MAPK6: variants seen among roughly 807,000 people sequenced by gnomAD.
MAPK6 encodes ERK-3.
MAPK6 carries 19 observed loss-of-function variants against 59.3 expected under a neutral mutation model. The ratio of observed to expected loss-of-function variants is 0.32; its 90% CI spans 0.22 to 0.47. The LOEUF (loss-of-function observed/expected upper bound fraction) is 0.47, where lower values mean the gene tolerates loss of function less well. Among genes scored for constraint, MAPK6 ranks in the 20% least tolerant of loss-of-function variants. MAPK6 has a pLI of 1.00. For missense variants in MAPK6, 724 were observed against 847.9 expected (o/e 0.85, Z 1.81); for synonymous variants, 316 against 290.3 (o/e 1.09, Z -0.90).
rs1337646204 is a variant in MAPK6 at position 52,060,527 on chromosome 15, TTG to T, written c.866-767_866-766del. ...ATATTGCAGCTAGTTTTCATCAGTT[TTG>T]TGTGGCCAGGGAGCAGAGAGAGTAG... On this transcript the variant is annotated intron_variant, in intron 4 of 5. Coordinates refer to ENST00000261845, the MANE Select transcript of MAPK6 (RefSeq NM_002748.4). 6.6e-5 allele frequency among the ~76,000 whole-genome samples: 10 copies of T among 152,250 alleles called. No individual in the cohort carries two copies. In the East Asian group the frequency reaches 1.5e-3, roughly 24 times the overall value.
In MAPK6 at chr15:52,051,323, C is replaced by T. The variant is rs185222972; in HGVS notation, c.700+1186C>T. Among the ~76,000 whole-genome samples, 12 of 152,122 alleles carry T rather than the reference C, an allele frequency of 7.9e-5. No homozygotes were observed. In the East Asian group the frequency reaches 2.3e-3, roughly 30 times the overall value. On this transcript the variant is annotated intron_variant, in intron 3 of 5. Transcript: ENST00000261845. ...CCACCCGCCTCGGCCTCCCAAAGTA[C>T]TGGGATTACAGGCGTGAGCCACCCC...
intron 1 of MAPK6, among the ~76,000 whole-genome samples, chr15:52,044,925 C>CTT (rs2031551470): frequency 7.1e-6 from 1 of 140,192 alleles, no homozygotes; most frequent in African/African-American, 2.7e-5. Context: ...ATTTTTTTTT[C>CTT]CTTTTTTTTT....
chr15:52,036,994 A>G (rs998520211), intron 1 of MAPK6, among the ~76,000 whole-genome samples: 1 of 152,146 alleles, frequency 6.6e-6, no homozygotes, highest in African/African-American at 2.4e-5. Context: ...GCCATTCTGA[A>G]TTGTTTTTAA....
In MAPK6 at chr15:52,063,250, T is replaced by C. The variant is rs117919856; in HGVS notation, c.1068-652T>C. On this transcript the variant is annotated intron_variant, in intron 5 of 5. Coordinates refer to ENST00000261845, the MANE Select transcript of MAPK6 (RefSeq NM_002748.4). ...CAGCTAATTTTTGTATTTTTAGTAG[T>C]GGGGGTTTCACCATGTTGGCCAGGC... Among the ~76,000 whole-genome samples, 696 of 152,086 alleles carry C rather than the reference T, an allele frequency of 4.6e-3. 36 individuals are homozygous for C. In the East Asian group the frequency reaches 0.12, roughly 27 times the overall value.
At chr15:52,055,556 C>T (rs889160001) in intron 3 of MAPK6, among the ~76,000 whole-genome samples, 2 of 152,156 alleles carry the variant, frequency 1.3e-5, no homozygotes, top group Non-Finnish European at 2.9e-5. Flanking sequence ...CGCTCTGTCG[C>T]CTAGGCTGGA....
rs775663369 is a variant in MAPK6 at position 52,065,255 on chromosome 15, C to T, written c.*255C>T. ...AACGCAGGAGGAGAAAAGAAATGCA[C>T]TAAGACAAGAACATTCTCTCATAGA... is the stretch of plus-strand genomic sequence containing the variant. On this transcript the variant is annotated 3_prime_UTR_variant, in exon 6 of 6. Transcript: ENST00000261845. The T allele has an allele frequency of 8.5e-6, 3 of 351,518 alleles. No homozygotes were observed. The highest frequency in any genetic ancestry group is 8.7e-5 in the Admixed American group (2 of 22,936). 21.8% of individuals were successfully genotyped at this position (351,518 alleles called of 1,614,324 possible).
intron 1 of MAPK6, among the ~76,000 whole-genome samples, chr15:52,038,371 G>A (rs1566907093): frequency 6.6e-6 from 1 of 152,204 alleles, no homozygotes; most frequent in Admixed American, 6.5e-5. Flanking sequence ...TTGGGTATAC[G>A]TATGACCATG....
intron 2 of MAPK6, among the ~76,000 whole-genome samples, chr15:52,048,968 T>C (rs563878197): frequency 3.9e-5 from 6 of 152,200 alleles, no homozygotes; most frequent in South Asian, 4.1e-4. Flanking sequence ...ATAAGACTTA[T>C]ACTATATAAA....
intron 3 of MAPK6, among the ~76,000 whole-genome samples, chr15:52,006,371 C>T (rs959476223): frequency 6.6e-6 from 1 of 152,052 alleles, no homozygotes; most frequent in East Asian, 1.9e-4. Flanking sequence ...CTAAAATGAC[C>T]AAATAGATTT....
chr15:52,062,093 A>C (rs543515502), intron 5 of MAPK6, among the ~76,000 whole-genome samples: 3 of 142,934 alleles, frequency 2.1e-5, no homozygotes, highest in Non-Finnish European at 4.5e-5. Context: ...TTTGAGATGG[A>C]ATCTCACTCT....
intron 3 of MAPK6, among the ~76,000 whole-genome samples, chr15:52,005,119 AAAG>A (rs1313588713): frequency 6.6e-6 from 1 of 152,250 alleles, no homozygotes; most frequent in African/African-American, 2.4e-5. Flanking sequence ...CTGAGGAAAC[AAAG>A]AAGAACAAAC....
At chr15:52,008,072 C>T (rs2029950853) in intron 3 of MAPK6, among the ~76,000 whole-genome samples, 1 of 152,102 alleles carries the variant, frequency 6.6e-6, no homozygotes, top group Admixed American at 6.5e-5. Context: ...GTCTCAAACT[C>T]CTGACCTCAG....
At chr15:52,008,742 G>A (rs905423314) in intron 3 of MAPK6, among the ~76,000 whole-genome samples, 1 of 152,144 alleles carries the variant, frequency 6.6e-6, no homozygotes, top group African/African-American at 2.4e-5. Context: ...GGAGGGAATG[G>A]GATGGGCACT....
intron 2 of MAPK6, among the ~76,000 whole-genome samples, chr15:51,983,783 G>A (rs1212620091): frequency 1.3e-5 from 2 of 152,128 alleles, no homozygotes; most frequent in East Asian, 1.9e-4. Context: ...CTCCAGCCTA[G>A]GTGACAGAGC....
chr15:52,063,794 A>G (rs188220127), intron 5 of MAPK6, 108 bp from the exon 6 acceptor site: 2 of 887,016 alleles, frequency 2.3e-6, no homozygotes, highest in East Asian at 2.7e-5. Context: ...CTCTCCTATA[A>G]TTATCCCCTC....
upstream of MAPK6, among the ~76,000 whole-genome samples, chr15:52,015,883 C>G (rs1399491600): frequency 2.9e-5 from 4 of 139,428 alleles, 1 homozygote; most frequent in African/African-American, 1.1e-4. Context: ...CATGGTGAAA[C>G]CCCCTCTCTA....
chr15:51,991,406 T>C (rs1051468515), intron 2 of MAPK6, among the ~76,000 whole-genome samples: 1 of 152,154 alleles, frequency 6.6e-6, no homozygotes, highest in Non-Finnish European at 1.5e-5. Context: ...ATAGAAAATT[T>C]AGGTCTCATG....
At chr15:52,037,778 G>A (rs2031291258) in intron 1 of MAPK6, among the ~76,000 whole-genome samples, 1 of 152,146 alleles carries the variant, frequency 6.6e-6, no homozygotes, top group Non-Finnish European at 1.5e-5. Flanking sequence ...TGAAAAATTC[G>A]AGGATAGGAC....
In MAPK6 at chr15:52,049,576, C is replaced by T. The variant is rs148401841; in HGVS notation, c.556-417C>T. ...TTCCTGACCTCAAGTGATCCACCTA[C>T]CTCGGCCTCCCAAAGTGCTGGGGTT... On this transcript the variant is annotated intron_variant, in intron 2 of 5. Transcript: ENST00000261845. Among the ~76,000 whole-genome samples the T allele has an allele frequency of 2.6e-4, 39 of 151,602 alleles. No homozygotes were observed. The East Asian group carries it at 7.2e-3, about 28-fold the overall frequency.
Sources: allele counts gnomAD v4.1 joint callset (sites outside exome capture counted in the v4.1 genomes callset), GRCh38; gene constraint gnomAD v4.1.1; transcripts MANE v1.5; gene names NCBI Gene and HGNC (gene_info 2026-07-23, HGNC 2026-07-21).